TSPAN16: variants seen among roughly 807,000 people sequenced by gnomAD.
The protein encoded by TSPAN16 is tetraspanin-16.
In TSPAN16, 23 loss-of-function variants were observed where a neutral mutation model predicts 25.2. The observed-to-expected ratio is 0.91, with a 90% CI of 0.66 to 1.29. The LOEUF is 1.29. Among genes scored for constraint, TSPAN16 ranks in the 50% most tolerant of loss-of-function variants. The pLI, the probability that TSPAN16 is intolerant of heterozygous loss-of-function variation, is 0.00. For synonymous variants in TSPAN16, 123 were observed against 124.4 expected, an observed-to-expected ratio of 0.99 and a Z score of 0.08; for missense variants, 272 against 299.9, an observed-to-expected ratio of 0.91 and a Z score of 0.69.
intron 6 of TSPAN16, 125 bp from the exon 7 acceptor site, chr19:11,315,666 A>G: frequency 1.5e-6 from 1 of 655,802 alleles, no homozygotes; most frequent in Non-Finnish European, 2.2e-6. Context: ...TTCTTCAGCC[A>G]TCTGTAAAAC....
chr19:11,310,515 C>CAA (rs71164183), intron 5 of TSPAN16, among the ~76,000 whole-genome samples: 1 of 117,048 alleles, frequency 8.5e-6, no homozygotes. Context: ...AATTCCGTCT[C>CAA]AAAAAAAAAA....
In TSPAN16 at chr19:11,298,295, G is replaced by A. The variant is rs200899575; in HGVS notation, c.223G>A (p.Gly75Arg). The change falls in exon 2 of 7, where the codon GGG (glycine) becomes AGG (arginine). Residue 75 changes from glycine (G) to arginine (R), a missense_variant. Physicochemically the swap from Gly to Arg is moderately radical, Grantham distance 125 (BLOSUM62 -2). Transcript: ENST00000590327. ...CATCACGGTACTGCTTGGCTGTGCC[G>A]GGTGGTATGGAGCGACTAAAGAGAG... ...GCITVLLGCAGWYGATKESRG... is the reference protein window; with the variant it reads ...GCITVLLGCARWYGATKESRG... 45 of 1,614,000 alleles carry A rather than the reference G, an allele frequency of 2.8e-5. No homozygotes were observed. Among genetic ancestry groups the A allele is most frequent in the Admixed American group, 5.0e-5 (3 of 59,982 alleles).
chr19:11,301,112 A>T, intron 3 of TSPAN16, 89 bp from the exon 4 acceptor site: 1 of 1,086,202 alleles, frequency 9.2e-7, no homozygotes, highest in Non-Finnish European at 1.4e-6. Context: ...GGACGCTCCC[A>T]CCTCCCACTC....
chr19:11,315,368 TA>T (rs1428644548), intron 6 of TSPAN16, among the ~76,000 whole-genome samples: 1 of 148,974 alleles, frequency 6.7e-6, no homozygotes, highest in East Asian at 2.0e-4. Context: ...CGATCCTGGC[TA>T]ACACAATAAA....
At chr19:11,321,026 A>G (rs569145601) in intron 6 of TSPAN16, among the ~76,000 whole-genome samples, 9 of 152,094 alleles carry the variant, frequency 5.9e-5, no homozygotes, top group East Asian at 3.9e-4. Flanking sequence ...AAAATTAGCC[A>G]GGCGTAGTGG....
At chr19:11,310,440 G>A (rs541597929) in intron 5 of TSPAN16, among the ~76,000 whole-genome samples, 149 of 151,830 alleles carry the variant, frequency 9.8e-4, no homozygotes, top group African/African-American at 3.2e-3. Context: ...GCTTGAACCC[G>A]GGAGGCGGAG....
intron 6 of TSPAN16, among the ~76,000 whole-genome samples, chr19:11,312,561 C>G (rs557828765): frequency 3.2e-4 from 49 of 151,804 alleles, no homozygotes; most frequent in African/African-American, 1.2e-3. Flanking sequence ...AGTTCAAAAT[C>G]AGCCTGGGCA....
intron 6 of TSPAN16, among the ~76,000 whole-genome samples, chr19:11,313,776 T>C (rs2080718327): frequency 1.3e-5 from 2 of 152,150 alleles, no homozygotes; most frequent in Admixed American, 6.6e-5. Context: ...ACATTGTTGA[T>C]GAGATTGTAA....
chr19:11,325,487 G>A (rs1389529245), intron 6 of TSPAN16: 1 of 1,613,280 alleles, frequency 6.2e-7, no homozygotes, highest in East Asian at 2.2e-5. Context: ...CTGGGTTCCA[G>A]GGACTCGTTC....
At chr19:11,302,308 T>G (rs555679599) in intron 4 of TSPAN16, among the ~76,000 whole-genome samples, 7 of 152,100 alleles carry the variant, frequency 4.6e-5, no homozygotes, top group Admixed American at 1.3e-4. Flanking sequence ...TCTGTCTATA[T>G]GAATCTGACG....
intron 4 of TSPAN16, among the ~76,000 whole-genome samples, chr19:11,305,705 T>C (rs1000323193): frequency 2.0e-5 from 3 of 150,908 alleles, no homozygotes; most frequent in African/African-American, 2.4e-5. Context: ...ATCTCTACAA[T>C]AGATAAAAAA....
intron 4 of TSPAN16, among the ~76,000 whole-genome samples, chr19:11,303,856 C>T (rs1179317087): frequency 1.3e-5 from 2 of 151,210 alleles, no homozygotes; most frequent in African/African-American, 4.9e-5. Context: ...CAATCTTGGC[C>T]CACTGCAACC....
At chr19:11,304,387 G>C (rs999776085) in intron 4 of TSPAN16, among the ~76,000 whole-genome samples, 1 of 151,204 alleles carries the variant, frequency 6.6e-6, no homozygotes, top group Non-Finnish European at 1.5e-5. Flanking sequence ...CCAAAACTCA[G>C]GCTGGAGTTC....
chr19:11,323,211 A>C (rs2080791306), intron 6 of TSPAN16: 1 of 152,024 alleles, frequency 6.6e-6, no homozygotes, highest in African/African-American at 2.4e-5. Flanking sequence ...GTAGCTAAAA[A>C]TTTTTGACTC....
downstream of TSPAN16, chr19:11,316,004 T>C: frequency 1.7e-6 from 2 of 1,211,936 alleles, no homozygotes; most frequent in Non-Finnish European, 2.1e-6. Context: ...CTTTCATTTT[T>C]GGCAATGATT....
Position 11,296,259 on chromosome 19 carries a change from TG to T in TSPAN16, c.-38del, listed in dbSNP as rs1434260359. On this transcript the variant is annotated 5_prime_UTR_variant, in exon 1 of 7. It removes an upstream start codon present in the reference 5' UTR. Coordinates refer to ENST00000590327, the MANE Select transcript of TSPAN16 (RefSeq NM_001282509.2). ...ACAGTAGCCCAGAGGTTCAGGAAGA[TG>T]TTAACTTAAATGTTCAGGGTGCCCC... 2 of 1,601,584 alleles carry T rather than the reference TG, an allele frequency of 1.2e-6. No homozygotes were observed. Among genetic ancestry groups the T allele is most frequent in the Non-Finnish European group, 1.7e-6 (2 of 1,169,292 alleles).
chr19:11,308,616 T>A (rs322149), intron 5 of TSPAN16, among the ~76,000 whole-genome samples: 4,655 of 151,868 alleles, frequency 0.031, 240 homozygotes, highest in African/African-American at 0.11. Context: ...GACTACAGGC[T>A]CCTGCCAGCA....
chr19:11,315,710 C>G, intron 6 of TSPAN16, 81 bp from the exon 7 acceptor site: 1 of 1,119,202 alleles, frequency 8.9e-7, no homozygotes, highest in Non-Finnish European at 1.1e-6. Flanking sequence ...AGGATGCTCC[C>G]CTTGTCCCCG....
rs150669935 is a variant in TSPAN16, at chr19:11,304,316, C to A, written c.451-2288C>A. On this transcript the variant is annotated intron_variant, in intron 4 of 6. Transcript: ENST00000590327. Reference sequence around the variant, plus strand: ...GAGCTGCTGTGGGTTGATGGCCAGGCTTTGAAAGGAACATGTGATAGGGAA... The same window carrying A: ...GAGCTGCTGTGGGTTGATGGCCAGGATTTGAAAGGAACATGTGATAGGGAA... Among the ~76,000 whole-genome samples the A allele has an allele frequency of 3.7e-4, 56 of 151,402 alleles. 1 individual carries two copies. The highest frequency in any genetic ancestry group is 1.4e-3 in the Admixed American group (21 of 15,216).
Sources: allele counts gnomAD v4.1 joint callset (sites outside exome capture counted in the v4.1 genomes callset), GRCh38; gene constraint gnomAD v4.1.1; transcripts MANE v1.5; gene names NCBI Gene and HGNC (gene_info 2026-07-23, HGNC 2026-07-21).